CADM3: variants seen among roughly 807,000 people sequenced by gnomAD.
CADM3 encodes TSLC1-like 1.
CADM3 carries 11 observed loss-of-function variants against 44.9 expected under a neutral mutation model. That is an observed-to-expected ratio of 0.25 (90% CI 0.15 to 0.41). The LOEUF (loss-of-function observed/expected upper bound fraction) is 0.41, where lower values mean the gene tolerates loss of function less well. Ranked by LOEUF, CADM3 falls within the 10% of genes least tolerant of loss-of-function variation. The pLI is 1.00. For synonymous variants in CADM3, 207 were observed against 205.2 expected (o/e 1.01, Z -0.08); for missense variants, 426 against 512.0 (o/e 0.83, Z 1.62).
At chr1:159,175,513 C>T (rs1380610787) in intron 1 of CADM3, among the ~76,000 whole-genome samples, 3 of 152,182 alleles carry the variant, frequency 2.0e-5, no homozygotes, top group Non-Finnish European at 2.9e-5. Flanking sequence ...ACATTTTTAA[C>T]AAATGAGGAA....
intron 8 of CADM3, 122 bp downstream of exon 8, chr1:159,199,998 GT>G: frequency 7.7e-7 from 1 of 1,292,664 alleles, no homozygotes; most frequent in Non-Finnish European, 1.1e-6. Flanking sequence ...CCTTTGGAGT[GT>G]TTAGGGAATT....
chr1:159,196,836 T>TTTAG (rs1649919100), intron 6 of CADM3, 55 bp from the exon 7 acceptor site: 4 of 1,531,386 alleles, frequency 2.6e-6, no homozygotes, highest in Non-Finnish European at 2.7e-6. Context: ...TTTTTTTTCT[T>TTTAG]TTAGCTCCCT....
intron 7 of CADM3, among the ~76,000 whole-genome samples, chr1:159,198,800 G>T (rs1650017278): frequency 6.6e-6 from 1 of 152,132 alleles, no homozygotes. Flanking sequence ...GGCCCAGTCT[G>T]TGCTGTTGAT....
intron 1 of CADM3, among the ~76,000 whole-genome samples, chr1:159,187,364 C>T (rs530300500): frequency 2.0e-5 from 3 of 152,170 alleles, no homozygotes; most frequent in Non-Finnish European, 4.4e-5. Flanking sequence ...GTAAATCACA[C>T]TGGAATGCCA....
intron 1 of CADM3, among the ~76,000 whole-genome samples, chr1:159,182,915 A>G (rs1649286907): frequency 6.6e-6 from 1 of 152,228 alleles, no homozygotes; most frequent in Admixed American, 6.5e-5. Flanking sequence ...TTCAGTGAGA[A>G]CCAAGGGTTA....
intron 1 of CADM3, among the ~76,000 whole-genome samples, chr1:159,183,717 A>G (rs1356522585): frequency 6.6e-6 from 1 of 152,214 alleles, no homozygotes; most frequent in African/African-American, 2.4e-5. Context: ...AGATGACAGA[A>G]TAACTCCCAC....
chr1:159,190,507 A>G (rs539224079), intron 1 of CADM3, among the ~76,000 whole-genome samples: 3 of 152,326 alleles, frequency 2.0e-5, no homozygotes, highest in East Asian at 3.9e-4. Flanking sequence ...AAAATGAGGG[A>G]TTCCATGATC....
rs548378782 is a variant in CADM3 at position 159,172,940 on chromosome 1, C to G, written c.88+1087C>G. On this transcript the variant is annotated intron_variant, in intron 1 of 8. Transcript: ENST00000368125. ...GAAACCCGGAAGGGGTCCACAGCTCCGAGCCTCAGGTCCCTGAGGAGGGAG... is the reference window on the plus strand; with the variant it reads ...GAAACCCGGAAGGGGTCCACAGCTCGGAGCCTCAGGTCCCTGAGGAGGGAG... Among the ~76,000 whole-genome samples the G allele has an allele frequency of 9.9e-5, 15 of 152,124 alleles. No homozygotes were observed. In the South Asian group the frequency reaches 3.1e-3, roughly 32 times the overall value.
At chr1:159,188,732 T>C (rs563697207) in intron 1 of CADM3, among the ~76,000 whole-genome samples, 143 of 152,302 alleles carry the variant, frequency 9.4e-4, no homozygotes, top group Non-Finnish European at 1.5e-3. Context: ...GGCTAGGGAC[T>C]TAGGCCATTG....
chr1:159,193,336 G>T, intron 3 of CADM3, 87 bp from the exon 4 acceptor site: 1 of 1,358,694 alleles, frequency 7.4e-7, no homozygotes, highest in South Asian at 1.4e-5. Flanking sequence ...ACCCAGGTAC[G>T]CAGAGAAGCC....
chr1:159,196,806 A>G, intron 6 of CADM3, 85 bp from the exon 7 acceptor site: 2 of 1,333,914 alleles, frequency 1.5e-6, no homozygotes, highest in Non-Finnish European at 2.1e-6. Flanking sequence ...AGTCCTTGAC[A>G]TCCCTGCTCC....
rs1283698549 is a variant in CADM3, at chr1:159,201,690, A to G, written c.*768A>G. ...TCTCACCCCATTCCCCCCGGAAATG[A>G]ACAAAGCCGGGCCCTTTCCATAGGA... is the stretch of plus-strand genomic sequence containing the variant. On this transcript the variant is annotated 3_prime_UTR_variant, in exon 9 of 9. Coordinates refer to ENST00000368125, the MANE Select transcript of CADM3 (RefSeq NM_001127173.3). The G allele has an allele frequency of 6.6e-6, 1 of 152,394 alleles. No individual in the cohort carries two copies. The highest frequency in any genetic ancestry group is 2.4e-5 in the African/African-American group (1 of 41,440). The allele number at this position is 152,394 out of a possible 1,614,324, so 9.4% of individuals were successfully genotyped here.
chr1:159,189,691 A>T, intron 1 of CADM3: 1 of 1,086,892 alleles, frequency 9.2e-7, no homozygotes, highest in Non-Finnish European at 1.4e-6. Flanking sequence ...CCTTTCCCAC[A>T]TGCCCAGCAA....
Position 159,203,052 on chromosome 1 carries a change from A to G in CADM3, c.*2130A>G, listed in dbSNP as rs1282403195. 6.6e-6 allele frequency: 1 copy of G among 150,616 alleles called. No homozygotes were observed. The highest frequency in any genetic ancestry group is 2.4e-5 in the African/African-American group (1 of 40,866). The allele number at this position is 150,616 out of a possible 1,614,324, so 9.3% of individuals were successfully genotyped here. On this transcript the variant is annotated 3_prime_UTR_variant, in exon 9 of 9. Transcript: ENST00000368125. ...GGGTGGGGGGGTGGGGGAAGGGAGCAGGGAGGGGACCGTGTATCTTTATAA... is the reference window on the plus strand; with the variant it reads ...GGGTGGGGGGGTGGGGGAAGGGAGCGGGGAGGGGACCGTGTATCTTTATAA...
At chr1:159,182,704 G>A (rs1302721637) in intron 1 of CADM3, among the ~76,000 whole-genome samples, 3 of 152,290 alleles carry the variant, frequency 2.0e-5, no homozygotes, top group East Asian at 1.9e-4. Flanking sequence ...CCATCCTTCT[G>A]TAAAATCAAA....
chr1:159,193,786 A>G (rs769734406), intron 4 of CADM3, 84 bp from the exon 5 acceptor site: 37 of 1,552,352 alleles, frequency 2.4e-5, no homozygotes, highest in Admixed American at 1.9e-4. Flanking sequence ...GTCTACAATG[A>G]GGCCCACATG....
At chr1:159,190,982 T>C (rs939423684) in intron 1 of CADM3, among the ~76,000 whole-genome samples, 3 of 152,174 alleles carry the variant, frequency 2.0e-5, no homozygotes, top group Non-Finnish European at 4.4e-5. Context: ...GAGAGTCAGT[T>C]CTGAAGATGA....
chr1:159,201,688 T>G lies in CADM3; in HGVS notation c.*766T>G, dbSNP rs938723340. On this transcript the variant is annotated 3_prime_UTR_variant, in exon 9 of 9. Transcript: ENST00000368125. ...ACTCTCACCCCATTCCCCCCGGAAA[T>G]GAACAAAGCCGGGCCCTTTCCATAG... 6.6e-6 allele frequency: 1 copy of G among 152,342 alleles called. No homozygotes were observed. Among genetic ancestry groups the G allele is most frequent in the Non-Finnish European group, 1.5e-5 (1 of 68,074 alleles). 9.4% of individuals were successfully genotyped at this position (152,342 alleles called of 1,614,324 possible).
At chr1:159,193,726 C>T in intron 4 of CADM3, 144 bp from the exon 5 acceptor site, 1 of 1,416,518 alleles carries the variant, frequency 7.1e-7, no homozygotes, top group South Asian at 1.2e-5. Context: ...CCTACATTCT[C>T]CCTGCCACAA....
Sources: allele counts gnomAD v4.1 joint callset (sites outside exome capture counted in the v4.1 genomes callset), GRCh38; gene constraint gnomAD v4.1.1; transcripts MANE v1.5; gene names NCBI Gene and HGNC (gene_info 2026-07-23, HGNC 2026-07-21).